OSBPL3: variants seen among roughly 807,000 people sequenced by gnomAD.
The protein encoded by OSBPL3 is oxysterol-binding protein-related protein 3.
A neutral mutation model predicts 120.1 loss-of-function variants in OSBPL3; 65 were observed. The observed-to-expected ratio is 0.54, with a 90% confidence interval of 0.44 to 0.67. OSBPL3 has a LOEUF of 0.67. OSBPL3 is among the 30% of genes least tolerant of loss of function. The probability of loss-of-function intolerance (pLI) is 0.00; values close to 1 mark genes in which losing one functional copy is unlikely to be tolerated. For synonymous variants in OSBPL3, 416 were observed against 402.6 expected, an observed-to-expected ratio of 1.03 and a Z score of -0.40; for missense variants, 1,004 against 1,082.1, an observed-to-expected ratio of 0.93 and a Z score of 1.01.
At chr7:24,931,889 AAT>A (rs753190560) in intron 1 of OSBPL3, among the ~76,000 whole-genome samples, 11 of 152,212 alleles carry the variant, frequency 7.2e-5, no homozygotes, top group Non-Finnish European at 2.9e-5. Context: ...CTGAGCCAGC[AAT>A]ATATGGGGAA....
intron 2 of OSBPL3, among the ~76,000 whole-genome samples, chr7:24,876,593 C>A (rs1252246315): frequency 1.3e-5 from 2 of 152,004 alleles, no homozygotes; most frequent in Admixed American, 1.3e-4. Flanking sequence ...GGGTCTCAAA[C>A]CAAGAAAATA....
At position 24,918,039 on chromosome 7, in the gene OSBPL3, A is replaced by G. The variant is rs1023841124; in HGVS notation, c.-149-25418T>C. On this transcript the variant is annotated intron_variant, in intron 1 of 22. Transcript: ENST00000313367. This position sits in a 1 kb window ranked among gnomAD's most constrained non-coding sequence, Gnocchi z 4.3. ...CCTATGAGTCCATAAAATGACTAGC[A>G]CTCTTACCTATAAAGGTTGGCTTAT... 7.3e-5 allele frequency: 71 copies of G among 978,748 alleles called. No individual in the cohort carries two copies. The highest frequency in any genetic ancestry group is 8.6e-5 in the Non-Finnish European group (71 of 824,014). 60.6% of individuals were successfully genotyped at this position (978,748 alleles called of 1,614,324 possible). A position where few individuals can be genotyped will look rare whatever the true frequency, so the allele number is the denominator to read the frequency against.
chr7:24,871,787 G>C lies in OSBPL3; in HGVS notation c.222C>G (p.Phe74Leu). Residue 74 changes from phenylalanine (F) to leucine (L), a missense_variant, in exon 4 of 23, where the codon TTC (phenylalanine) becomes TTG (leucine). Physicochemically the swap from Phe to Leu is conservative, Grantham distance 22. Coordinates refer to ENST00000313367, the MANE Select transcript of OSBPL3 (RefSeq NM_015550.4). The surrounding 1 kb of genome is among the most constrained non-coding windows in gnomAD (Gnocchi z 4.8). ...WPLKGWHKRF[F>L]YLDKGILKYA... ...ATTTCAAGATTCCTTTGTCCAGATA[G>C]AAGAATCTCTGTGGGGAAGAAAGTA... 2.5e-6 allele frequency: 4 copies of C among 1,612,056 alleles called. No homozygotes were observed. Among genetic ancestry groups the C allele is most frequent in the Non-Finnish European group, 3.4e-6 (4 of 1,178,174 alleles).
In OSBPL3 at chr7:24,933,413, T is replaced by C. The variant is rs911716920; in HGVS notation, c.-149-40792A>G. Among the ~76,000 whole-genome samples the C allele has an allele frequency of 1.3e-5, 2 of 152,198 alleles. No homozygotes were observed. The highest frequency in any genetic ancestry group is 4.8e-5 in the African/African-American group (2 of 41,440). ...CAATGGACTCTGATTTGTTACTGAA[T>C]AATTTCATGGACATAACAATATGTT... On this transcript the variant is annotated intron_variant, in intron 1 of 22. Transcript: ENST00000313367. The surrounding 1 kb of genome is among the most constrained non-coding windows in gnomAD (Gnocchi z 5.1).
At chr7:24,823,037 A>G (rs1186859812) in intron 16 of OSBPL3, among the ~76,000 whole-genome samples, 5 of 152,134 alleles carry the variant, frequency 3.3e-5, no homozygotes, top group Non-Finnish European at 5.9e-5. Flanking sequence ...ATAGCTTATT[A>G]TTTTGTATAT....
rs1367872611 is a variant in OSBPL3 at position 24,967,056 on chromosome 7, G to A, written c.-150+12830C>T. The stretch of plus-strand genomic sequence containing the variant: ...ATTTGCATGAGCCATCACAATGCCT[G>A]TTTGCAGACACTCTAAATCTGTATT... On this transcript the variant is annotated intron_variant, in intron 1 of 22. Transcript: ENST00000313367. The surrounding 1 kb of genome is among the most constrained non-coding windows in gnomAD (Gnocchi z 5.6). Among the ~76,000 whole-genome samples the A allele has an allele frequency of 6.6e-6, 1 of 152,156 alleles. No individual in the cohort carries two copies. The highest frequency in any genetic ancestry group is 1.5e-5 in the Non-Finnish European group (1 of 68,032).
chr7:24,835,204 C>G lies in OSBPL3; in HGVS notation c.1496-468G>C, dbSNP rs150326188. 3.3e-5 allele frequency among the ~76,000 whole-genome samples: 5 copies of G among 152,168 alleles called. No individual in the cohort carries two copies. The highest frequency in any genetic ancestry group is 1.2e-4 in the African/African-American group (5 of 41,532). On this transcript the variant is annotated intron_variant, in intron 14 of 22. Transcript: ENST00000313367. This position sits in a 1 kb window ranked among gnomAD's most constrained non-coding sequence, Gnocchi z 4.8. Reference sequence around the variant, plus strand: ...TTTATATATTAGAGTATCTTCATTTCGTGTTTTCTCCATTTGTGTTGTTCA... The same window carrying G: ...TTTATATATTAGAGTATCTTCATTTGGTGTTTTCTCCATTTGTGTTGTTCA...
chr7:24,859,907 T>C (rs902353966), intron 10 of OSBPL3, among the ~76,000 whole-genome samples: 2 of 152,230 alleles, frequency 1.3e-5, no homozygotes, highest in Admixed American at 1.3e-4. Flanking sequence ...ATTTAGATTA[T>C]TTCTATTTTT....
chr7:24,974,729 G>A (rs1010359285), intron 1 of OSBPL3, among the ~76,000 whole-genome samples: 3 of 152,166 alleles, frequency 2.0e-5, no homozygotes, highest in African/African-American at 7.2e-5. Context: ...CATACTAGGT[G>A]AAAGAAGCCA....
Position 24,815,174 on chromosome 7 carries a change from A to G in OSBPL3, c.2057T>C (p.Val686Ala). Reference protein sequence around the residue: ...VFGDHFEWNKVTSCIHNILSG... With the variant: ...VFGDHFEWNKATSCIHNILSG... Reference sequence around the variant, plus strand: ...TAAGATGTTATGGATGCAAGAGGTCACTTTGTTCCACTCAAAATGATCCCC... The same window carrying G: ...TAAGATGTTATGGATGCAAGAGGTCGCTTTGTTCCACTCAAAATGATCCCC... Residue 686 changes from valine (V) to alanine (A), a missense_variant, in exon 19 of 23, where the codon GTG (valine) becomes GCG (alanine). Physicochemically the swap from Val to Ala is moderately conservative, Grantham distance 64. Coordinates refer to ENST00000313367, the MANE Select transcript of OSBPL3 (RefSeq NM_015550.4). This position sits in a 1 kb window ranked among gnomAD's most constrained non-coding sequence, Gnocchi z 5.1. 4 of 1,613,792 alleles carry G rather than the reference A, an allele frequency of 2.5e-6. No homozygotes were observed. The South Asian group carries it at 4.4e-5, about 18-fold the overall frequency.
rs1212680150 is a variant in OSBPL3, at chr7:24,851,181, A to T, written c.1158+1323T>A. ...AGCTAGCTTAATGAGAACAATAAGAAAGTTAGGGAAAAAAAACAAAAACAC... is the reference window on the plus strand; with the variant it reads ...AGCTAGCTTAATGAGAACAATAAGATAGTTAGGGAAAAAAAACAAAAACAC... On this transcript the variant is annotated intron_variant, in intron 11 of 22. Coordinates refer to ENST00000313367, the MANE Select transcript of OSBPL3 (RefSeq NM_015550.4). The surrounding 1 kb of genome is among the most constrained non-coding windows in gnomAD (Gnocchi z 4.1). Among the ~76,000 whole-genome samples the T allele has an allele frequency of 1.3e-5, 2 of 152,214 alleles. No homozygotes were observed. The highest frequency in any genetic ancestry group is 2.4e-5 in the African/African-American group (1 of 41,438).
rs1015636236 is a variant in OSBPL3 at position 24,942,024 on chromosome 7, C to T, written c.-150+37862G>A. Among the ~76,000 whole-genome samples, 6 of 152,152 alleles carry T rather than the reference C, an allele frequency of 3.9e-5. No homozygotes were observed. The South Asian group carries it at 1.0e-3, about 26-fold the overall frequency. On this transcript the variant is annotated intron_variant, in intron 1 of 22. Transcript: ENST00000313367. ...TCACATCTCTCTTTGTAACACATAA[C>T]GCAACAGAAAAGAAAAAGCTTTGTT...
rs1808607327 is a variant in OSBPL3 at position 24,910,101 on chromosome 7, T to C, written c.-149-17480A>G. On this transcript the variant is annotated intron_variant, in intron 1 of 22. Coordinates refer to ENST00000313367, the MANE Select transcript of OSBPL3 (RefSeq NM_015550.4). The stretch of plus-strand genomic sequence containing the variant: ...GATTACAGGTGTGAGCCACCGTGGC[T>C]GGCCGAAAGCTACTATTTTCAATTT... 1.3e-5 allele frequency among the ~76,000 whole-genome samples: 2 copies of C among 152,124 alleles called. 1 individual carries two copies. The highest frequency in any genetic ancestry group is 4.2e-4 in the South Asian group (2 of 4,816).
intron 2 of OSBPL3, among the ~76,000 whole-genome samples, chr7:24,875,987 G>A (rs982109282): frequency 6.6e-6 from 1 of 152,156 alleles, no homozygotes; most frequent in Middle Eastern, 3.4e-3. Context: ...AAATTGTAAA[G>A]GCTTTAATAT....
chr7:24,876,822 A>C lies in OSBPL3; in HGVS notation c.97-4753T>G, dbSNP rs567229573. On this transcript the variant is annotated intron_variant, in intron 2 of 22. Coordinates refer to ENST00000313367, the MANE Select transcript of OSBPL3 (RefSeq NM_015550.4). ...CACTTTCTAGCTCTATGAAAGCAGG[A>C]ACCTTTTCTGTCTTGTTCACTACTT... 1.7e-4 allele frequency among the ~76,000 whole-genome samples: 26 copies of C among 152,358 alleles called. No homozygotes were observed. The East Asian group carries it at 4.0e-3, about 24-fold the overall frequency.
chr7:24,888,690 T>A (rs989674161), intron 2 of OSBPL3, among the ~76,000 whole-genome samples: 2 of 152,186 alleles, frequency 1.3e-5, no homozygotes, highest in South Asian at 4.1e-4. Context: ...CAAGCTCTTT[T>A]AACATAGGTA....
chr7:24,814,654 C>T (rs1429102825), intron 19 of OSBPL3, among the ~76,000 whole-genome samples: 3 of 152,106 alleles, frequency 2.0e-5, no homozygotes, highest in Non-Finnish European at 4.4e-5. Context: ...TTCCTCCCTC[C>T]TGCAGCCCCG....
At chr7:24,917,449 A>ACC (rs1809824813) in intron 1 of OSBPL3, among the ~76,000 whole-genome samples, 1 of 119,744 alleles carries the variant, frequency 8.4e-6, no homozygotes, top group African/African-American at 3.5e-5. Context: ...ATATATATAC[A>ACC]CACACATATA....
chr7:24,801,462 A>C (rs1792346837), intron 22 of OSBPL3, among the ~76,000 whole-genome samples: 1 of 152,258 alleles, frequency 6.6e-6, no homozygotes, highest in Middle Eastern at 3.4e-3. Flanking sequence ...TTTCAGGGAA[A>C]TTCCGTGTGT....
Sources: gnomAD v4.1 joint callset for allele counts (sites outside exome capture counted in the v4.1 genomes callset) on GRCh38, gnomAD v4.1.1 for gene constraint, Gnocchi (gnomAD v3.1) non-coding constraint, MANE v1.5 for transcripts, NCBI Gene and HGNC (gene_info 2026-07-23, HGNC 2026-07-21) for gene names.